The following RFT1 variants were observed in gnomAD, a reference collection of about 807,000 sequenced individuals.
RFT1 encodes man(5)GlcNAc(2)-PP-dolichol translocation protein RFT1.
In RFT1, 43 loss-of-function variants were observed where a neutral mutation model predicts 62.2. The observed-to-expected ratio is 0.69, with a 90% confidence interval of 0.54 to 0.89. RFT1 has a LOEUF of 0.89. RFT1 is among the 40% of genes least tolerant of loss of function. RFT1 has a pLI of 0.00. For synonymous variants in RFT1, 262 were observed against 264.6 expected, an observed-to-expected ratio of 0.99 and a Z score of 0.10; for missense variants, 605 against 649.9, an observed-to-expected ratio of 0.93 and a Z score of 0.75.
chr3:53,101,216 C>G (rs1194892659), intron 10 of RFT1, among the ~76,000 whole-genome samples: 1 of 152,200 alleles, frequency 6.6e-6, no homozygotes, highest in East Asian at 1.9e-4. Flanking sequence ...CCTCACATTG[C>G]ATTTTGCTTG....
At chr3:53,125,420 A>C (rs1264039148) in intron 2 of RFT1, among the ~76,000 whole-genome samples, 6 of 152,248 alleles carry the variant, frequency 3.9e-5, no homozygotes, top group African/African-American at 1.2e-4. Flanking sequence ...AGCCTCCAAG[A>C]AACTGATGAC....
At position 53,092,606 on chromosome 3, in the gene RFT1, C is replaced by T. The variant is rs749913222; in HGVS notation, c.1221G>A (p.Val407=). Residue 407 remains valine, a synonymous_variant, in exon 12 of 13, where the codon GTG becomes GTA. Coordinates refer to ENST00000296292, the MANE Select transcript of RFT1 (RefSeq NM_052859.4). ...SKEEVDRYNF[V]MLALSSSFLV... is the part of the protein sequence containing the mutation. ...GGAATGAGGAGGACAGGGCCAGCATCACAAAATTGTACCTGGGGAGGAGAC... is the reference window on the plus strand; with the variant it reads ...GGAATGAGGAGGACAGGGCCAGCATTACAAAATTGTACCTGGGGAGGAGAC... 8.7e-6 allele frequency: 14 copies of T among 1,611,492 alleles called. No individual in the cohort carries two copies. The East Asian group carries it at 2.9e-4, about 33-fold the overall frequency.
the RFT1 span, among the ~76,000 whole-genome samples, chr3:53,069,577 G>A: frequency 6.6e-5 from 10 of 152,220 alleles, no homozygotes; most frequent in Non-Finnish European, 1.0e-4. Flanking sequence ...TGATCACTCA[G>A]TAAGAAAAGA....
chr3:53,121,749 G>A lies in RFT1; in HGVS notation c.508C>T (p.Leu170Phe), dbSNP rs762711744. 6.2e-7 allele frequency: 1 copy of A among 1,614,116 alleles called. No individual in the cohort carries two copies. Among genetic ancestry groups the A allele is most frequent in the Non-Finnish European group, 8.5e-7 (1 of 1,179,986 alleles). The part of the protein sequence containing the change: ...VILKSVLTAF[L>F]VLWLPHWGLY... ...CCCCAGTGAGGCAACCACAGCACGA[G>A]AAAAGCTGTCAGAACGCTCTTAAGA... The change falls in exon 5 of 13, where the codon CTC becomes TTC. Residue 170 changes from leucine (L) to phenylalanine (F), a missense_variant. Coordinates refer to ENST00000296292, the MANE Select transcript of RFT1 (RefSeq NM_052859.4).
chr3:53,086,834 G>C (rs1392946529), downstream of RFT1, among the ~76,000 whole-genome samples: 1 of 152,118 alleles, frequency 6.6e-6, no homozygotes, highest in Non-Finnish European at 1.5e-5. Context: ...AGCTCCCAAA[G>C]GTGCTCAGGA....
chr3:53,105,619 T>C, intron 9 of RFT1, 54 bp downstream of exon 9: 2 of 1,596,680 alleles, frequency 1.3e-6, no homozygotes, highest in East Asian at 4.5e-5. Context: ...CTCCTGTCTG[T>C]CTTGCAATTA....
At chr3:53,120,563 G>C (rs1237625150) in intron 5 of RFT1, among the ~76,000 whole-genome samples, 1 of 152,206 alleles carries the variant, frequency 6.6e-6, no homozygotes, top group Non-Finnish European at 1.5e-5. Flanking sequence ...AGGGTGATAA[G>C]AGGGCCCACC....
intron 6 of RFT1, among the ~76,000 whole-genome samples, chr3:53,119,664 C>T (rs1701910493): frequency 6.6e-6 from 1 of 151,896 alleles, no homozygotes; most frequent in African/African-American, 2.4e-5. Flanking sequence ...AAACATCCTA[C>T]AATGCACAGG....
At chr3:53,118,906 A>G (rs537216420) in intron 6 of RFT1, among the ~76,000 whole-genome samples, 5 of 152,280 alleles carry the variant, frequency 3.3e-5, no homozygotes, top group Admixed American at 3.3e-4. Context: ...CTGAAAGACT[A>G]GCCTGACACT....
downstream of RFT1, among the ~76,000 whole-genome samples, chr3:53,086,469 C>A (rs752902306): frequency 1.3e-5 from 2 of 152,164 alleles, no homozygotes; most frequent in African/African-American, 4.8e-5. Flanking sequence ...GCATCTGCCA[C>A]CATGCCCGGC....
chr3:53,107,659 CGTCTGAGTTCAT>C (rs1040580090), intron 7 of RFT1, among the ~76,000 whole-genome samples: 7 of 150,742 alleles, frequency 4.6e-5, no homozygotes, highest in African/African-American at 1.7e-4. Flanking sequence ...CATGAACTCA[CGTCTGAGTTCAT>C]GATTCAAATT....
At chr3:53,070,063 C>A in the RFT1 span, among the ~76,000 whole-genome samples, 4 of 152,220 alleles carry the variant, frequency 2.6e-5, no homozygotes, top group South Asian at 6.2e-4. Context: ...AGGTTGGCTT[C>A]CCCCATCTCC....
At chr3:53,093,807 G>C (rs979216205) in intron 11 of RFT1, among the ~76,000 whole-genome samples, 6 of 152,156 alleles carry the variant, frequency 3.9e-5, no homozygotes, top group African/African-American at 1.4e-4. Context: ...GATCGCTTGA[G>C]CCTAAGAGTT....
At chr3:53,125,640 C>G (rs1702087878) in intron 2 of RFT1, among the ~76,000 whole-genome samples, 1 of 152,252 alleles carries the variant, frequency 6.6e-6, no homozygotes, top group Admixed American at 6.5e-5. Context: ...TCCTTCCTGA[C>G]TTCCAAGAGC....
At position 53,098,603 on chromosome 3, in the gene RFT1, C is replaced by T. The variant is rs187553841; in HGVS notation, c.1208+778G>A. Among the ~76,000 whole-genome samples the T allele has an allele frequency of 6.6e-5, 10 of 152,142 alleles. No individual in the cohort carries two copies. In the East Asian group the frequency reaches 7.8e-4, roughly 12 times the overall value. On this transcript the variant is annotated intron_variant, in intron 11 of 12. Transcript: ENST00000296292. ...GAATCACAAGGTCAGGAGATCGAGACCAACCTGGCTGACACGGTGAAACCC... is the reference window on the plus strand; with the variant it reads ...GAATCACAAGGTCAGGAGATCGAGATCAACCTGGCTGACACGGTGAAACCC...
intron 5 of RFT1, among the ~76,000 whole-genome samples, chr3:53,120,288 T>G (rs937090696): frequency 3.3e-5 from 5 of 152,216 alleles, no homozygotes; most frequent in Admixed American, 3.3e-4. Flanking sequence ...AGATGTACAC[T>G]AGCTCAATTA....
At chr3:53,103,381 T>A in intron 10 of RFT1, 1 of 493,042 alleles carries the variant, frequency 2.0e-6, no homozygotes, top group African/African-American at 2.1e-5. Flanking sequence ...TAACAAGTGC[T>A]GTGAGATCCT....
intron 1 of RFT1, among the ~76,000 whole-genome samples, chr3:53,128,298 G>A (rs540135289): frequency 3.4e-4 from 51 of 151,940 alleles, no homozygotes; most frequent in African/African-American, 1.0e-3. Context: ...ACTCCATCTC[G>A]AAAACAAAAA....
chr3:53,092,628 A>C lies in RFT1; in HGVS notation c.1209-10T>G. 6.2e-7 allele frequency: 1 copy of C among 1,608,992 alleles called. No individual in the cohort carries two copies. The highest frequency in any genetic ancestry group is 1.1e-5 in the South Asian group (1 of 89,630). ...CATCACAAAATTGTACCTGGGGAGG[A>C]GACAGGAAAAGGAGGGCAGTGGTGA... On this transcript the variant is annotated splice_polypyrimidine_tract_variant and intron_variant, in intron 11 of 12. Transcript: ENST00000296292.
Sources: gnomAD v4.1 joint callset for allele counts (sites outside exome capture counted in the v4.1 genomes callset) on GRCh38, gnomAD v4.1.1 for gene constraint, MANE v1.5 for transcripts, NCBI Gene and HGNC (gene_info 2026-07-23, HGNC 2026-07-21) for gene names.